VWA8: variants seen among roughly 807,000 people sequenced by gnomAD.
VWA8 encodes von Willebrand factor A domain containing 8, also known as von Willebrand factor A domain-containing protein 8.
Under a neutral mutation model 241.5 loss-of-function variants are expected in VWA8, and 221 were observed. The observed-to-expected ratio is 0.91, with a 90% CI of 0.82 to 1.02. VWA8 has a LOEUF of 1.02. Among genes scored for constraint, VWA8 ranks in the 50% least tolerant of loss-of-function variants. The probability of loss-of-function intolerance (pLI) is 0.00; values close to 1 mark genes in which losing one functional copy is unlikely to be tolerated. For missense variants in VWA8, 2,322 were observed against 2,328.7 expected, an observed-to-expected ratio of 1.00 and a Z score of 0.06; for synonymous variants, 852 against 827.1, an observed-to-expected ratio of 1.03 and a Z score of -0.52.
rs561133906 is a variant in VWA8, at chr13:41,842,727, T to C, written c.1426-9196A>G. Among the ~76,000 whole-genome samples, 5 of 152,352 alleles carry C rather than the reference T, an allele frequency of 3.3e-5. No individual in the cohort carries two copies. The East Asian group carries it at 9.6e-4, about 29-fold the overall frequency. On this transcript the variant is annotated intron_variant, in intron 12 of 44. Coordinates refer to ENST00000379310, the MANE Select transcript of VWA8 (RefSeq NM_015058.2). The stretch of plus-strand genomic sequence containing the variant: ...AATACAGTTATGTACTCCATCAAGA[T>C]ACACAACCAAATACCCTCATTTTAT...
chr13:41,599,413 T>C (rs938402583), intron 40 of VWA8, among the ~76,000 whole-genome samples: 2 of 152,198 alleles, frequency 1.3e-5, no homozygotes, highest in African/African-American at 4.8e-5. Context: ...ACAAAGCAGA[T>C]GTTTTCTAAA....
At chr13:41,758,065 A>G (rs2045706603) in intron 21 of VWA8, among the ~76,000 whole-genome samples, 1 of 151,390 alleles carries the variant, frequency 6.6e-6, no homozygotes, top group Admixed American at 6.6e-5. Flanking sequence ...ACTATATAGC[A>G]GAGATACTGA....
At chr13:41,890,511 T>C (rs1283351121) in intron 5 of VWA8, among the ~76,000 whole-genome samples, 1 of 152,252 alleles carries the variant, frequency 6.6e-6, no homozygotes, top group East Asian at 1.9e-4. Flanking sequence ...CCCAAGCCTC[T>C]GAAGAGTCCC....
At chr13:41,628,161 C>G (rs1299600487) in intron 37 of VWA8, among the ~76,000 whole-genome samples, 1 of 152,024 alleles carries the variant, frequency 6.6e-6, no homozygotes, top group Non-Finnish European at 1.5e-5. Context: ...TTCAATAAAA[C>G]CCTTCATTCC....
chr13:41,771,745 AT>A (rs953508602), intron 20 of VWA8, among the ~76,000 whole-genome samples: 2 of 151,024 alleles, frequency 1.3e-5, no homozygotes, highest in African/African-American at 2.4e-5. Flanking sequence ...TGCCTGGCTA[AT>A]TTTTTTTGTA....
chr13:41,858,796 T>C (rs1342143979), intron 12 of VWA8, among the ~76,000 whole-genome samples: 1 of 152,024 alleles, frequency 6.6e-6, no homozygotes, highest in African/African-American at 2.4e-5. Context: ...GTAAGTAAAT[T>C]CTTAGATAGC....
intron 37 of VWA8, among the ~76,000 whole-genome samples, chr13:41,621,178 A>T (rs1023984193): frequency 1.1e-4 from 16 of 152,238 alleles, no homozygotes; most frequent in Non-Finnish European, 2.2e-4. Flanking sequence ...TTTTAGTATA[A>T]TATTTAATAA....
intron 14 of VWA8, among the ~76,000 whole-genome samples, chr13:41,824,358 C>T (rs555204465): frequency 1.3e-5 from 2 of 152,266 alleles, no homozygotes; most frequent in South Asian, 2.1e-4. Context: ...CTTTAAACTT[C>T]TAGCCTATGT....
chr13:41,633,182 T>G (rs930027828), intron 37 of VWA8, among the ~76,000 whole-genome samples: 4 of 152,238 alleles, frequency 2.6e-5, no homozygotes, highest in African/African-American at 4.8e-5. Flanking sequence ...ATACATTTTT[T>G]GAAGAAATAT....
At chr13:41,920,031 T>C (rs1016187978) in intron 2 of VWA8, among the ~76,000 whole-genome samples, 3 of 152,132 alleles carry the variant, frequency 2.0e-5, no homozygotes, top group African/African-American at 7.2e-5. Flanking sequence ...CCCGAGGCAG[T>C]AGACTGAGGC....
chr13:41,571,994 G>C (rs1487746589), intron 43 of VWA8, among the ~76,000 whole-genome samples: 1 of 151,892 alleles, frequency 6.6e-6, no homozygotes, highest in African/African-American at 2.4e-5. Flanking sequence ...CCTCTGCCCG[G>C]TGGCGACCCC....
chr13:41,634,445 C>T (rs1019936258), intron 37 of VWA8, among the ~76,000 whole-genome samples: 1 of 152,128 alleles, frequency 6.6e-6, no homozygotes, highest in South Asian at 2.1e-4. Context: ...CGTATTCTGA[C>T]ATGTCTTAGC....
intron 37 of VWA8, among the ~76,000 whole-genome samples, chr13:41,658,425 G>A (rs1419363723): frequency 1.3e-5 from 2 of 152,220 alleles, no homozygotes; most frequent in African/African-American, 4.8e-5. Context: ...TTCATGCTCA[G>A]GATCATTATA....
intron 37 of VWA8, among the ~76,000 whole-genome samples, chr13:41,644,276 CAA>C: frequency 7.1e-6 from 1 of 141,396 alleles, no homozygotes; most frequent in African/African-American, 2.6e-5. Flanking sequence ...CCACCCCCGC[CAA>C]AAAAAAAAAC....
intron 21 of VWA8, among the ~76,000 whole-genome samples, chr13:41,733,979 A>G (rs2045505456): frequency 6.6e-6 from 1 of 152,038 alleles, no homozygotes; most frequent in Admixed American, 6.5e-5. Flanking sequence ...GTTTTTAAAC[A>G]GAGAATCTGG....
chr13:41,732,124 G>C lies in VWA8; in HGVS notation c.2458C>G (p.Pro820Ala), dbSNP rs1275655663. ...DTTVQTLTLQPSVKDGLIVYE... is the reference protein window; with the variant it reads ...DTTVQTLTLQASVKDGLIVYE... ...ACAATAAGTCCGTCTTTAACCGAAGGCTGAAGCGTAAGAGTTTGTACTGTG... is the reference window on the plus strand; with the variant it reads ...ACAATAAGTCCGTCTTTAACCGAAGCCTGAAGCGTAAGAGTTTGTACTGTG... The change falls in exon 22 of 45, where the codon CCT (proline) becomes GCT (alanine). Residue 820 changes from proline (P) to alanine (A), a missense_variant. Physicochemically the swap from Pro to Ala is conservative, Grantham distance 27. Transcript: ENST00000379310. The C allele has an allele frequency of 6.2e-7, 1 of 1,613,154 alleles. No individual in the cohort carries two copies. Among genetic ancestry groups the C allele is most frequent in the Non-Finnish European group, 8.5e-7 (1 of 1,179,536 alleles).
chr13:41,912,004 G>C (rs767550686), intron 3 of VWA8, 34 bp downstream of exon 3: 1 of 1,501,244 alleles, frequency 6.7e-7, no homozygotes, highest in East Asian at 2.3e-5. Flanking sequence ...ACAAAGTTAA[G>C]ACCCTTAGAA....
intron 37 of VWA8, among the ~76,000 whole-genome samples, chr13:41,656,234 C>T (rs1319868469): frequency 6.6e-6 from 1 of 152,164 alleles, no homozygotes; most frequent in Non-Finnish European, 1.5e-5. Flanking sequence ...TCAAATGCAG[C>T]ACTTTCCTCT....
At chr13:41,635,209 T>C (rs1042372488) in intron 37 of VWA8, among the ~76,000 whole-genome samples, 1 of 152,126 alleles carries the variant, frequency 6.6e-6, no homozygotes, top group Non-Finnish European at 1.5e-5. Flanking sequence ...ATATCTGACA[T>C]TGGGATAGGG....
Sources: gnomAD v4.1 joint callset for allele counts (sites outside exome capture counted in the v4.1 genomes callset) on GRCh38, gnomAD v4.1.1 for gene constraint, MANE v1.5 for transcripts, NCBI Gene and HGNC (gene_info 2026-07-23, HGNC 2026-07-21) for gene names.